The following CACNB4 variants were observed in gnomAD, a reference collection of about 807,000 sequenced individuals.
CACNB4 encodes voltage-dependent L-type calcium channel subunit beta-4.
CACNB4 carries 32 observed loss-of-function variants against 71.2 expected under a neutral mutation model. The observed-to-expected ratio is 0.45, with a 90% CI of 0.34 to 0.60. The LOEUF (loss-of-function observed/expected upper bound fraction) is 0.60, where lower values mean the gene tolerates loss of function less well. Ranked by LOEUF, CACNB4 falls within the 20% of genes least tolerant of loss-of-function variation. CACNB4 has a pLI of 0.01. For missense variants in CACNB4, 464 were observed against 647.9 expected, an observed-to-expected ratio of 0.72 and a Z score of 3.08; for synonymous variants, 231 against 236.9, an observed-to-expected ratio of 0.97 and a Z score of 0.23.
At chr2:152,015,154 A>T (rs540215990) in intron 2 of CACNB4, among the ~76,000 whole-genome samples, 25 of 151,632 alleles carry the variant, frequency 1.6e-4, no homozygotes, top group Admixed American at 3.9e-4. Context: ...TTTTTTTGAG[A>T]TGGAGTCTCG....
chr2:152,063,357 C>T (rs1686122673), intron 2 of CACNB4, among the ~76,000 whole-genome samples: 1 of 152,216 alleles, frequency 6.6e-6, no homozygotes, highest in Admixed American at 6.5e-5. Flanking sequence ...TATTTTACAT[C>T]TATTCATTTA....
At chr2:151,970,843 T>G (rs1478627376) in intron 2 of CACNB4, 1 of 152,320 alleles carries the variant, frequency 6.6e-6, no homozygotes, top group African/African-American at 2.4e-5. Context: ...TGTGGGGCAC[T>G]GAATGATCTT....
intron 2 of CACNB4, among the ~76,000 whole-genome samples, chr2:151,945,497 T>G (rs1043555499): frequency 6.6e-6 from 1 of 151,724 alleles, no homozygotes; most frequent in African/African-American, 2.4e-5. Context: ...ACAAAAATTA[T>G]AAAGATTAGC....
chr2:151,951,296 A>G (rs1484856361), intron 2 of CACNB4, among the ~76,000 whole-genome samples: 2 of 152,088 alleles, frequency 1.3e-5, no homozygotes, highest in African/African-American at 4.8e-5. Context: ...AAATTAAAAA[A>G]AAAAACAACT....
chr2:151,967,080 T>C (rs1579017505), intron 2 of CACNB4: 1 of 143,780 alleles, frequency 7.0e-6, no homozygotes, highest in Admixed American at 7.2e-5. Flanking sequence ...CAGGGTCTCA[T>C]TCTGTCACCA....
intron 2 of CACNB4, among the ~76,000 whole-genome samples, chr2:152,029,493 CAA>C (rs4036226): frequency 0.15 from 16,378 of 108,620 alleles, 1,352 homozygotes; most frequent in East Asian, 0.28. Context: ...GACTCGATCT[CAA>C]AAAAAAAAAA....
intron 2 of CACNB4, among the ~76,000 whole-genome samples, chr2:152,066,105 C>T (rs962666225): frequency 6.6e-6 from 1 of 152,224 alleles, no homozygotes; most frequent in Non-Finnish European, 1.5e-5. Flanking sequence ...CTCAGCCCCA[C>T]ATCTTACTCC....
chr2:152,035,614 T>TCCCTCC, intron 2 of CACNB4, among the ~76,000 whole-genome samples: 1 of 106,902 alleles, frequency 9.4e-6, no homozygotes, highest in Non-Finnish European at 2.0e-5. Flanking sequence ...TCTCTCTCTC[T>TCCCTCC]CTCTCCCTCC....
chr2:151,837,829 A>G lies in CACNB4; in HGVS notation c.*1290T>C, dbSNP rs1030304674. On this transcript the variant is annotated 3_prime_UTR_variant, in exon 14 of 14. Coordinates refer to ENST00000539935, the MANE Select transcript of CACNB4 (RefSeq NM_000726.5). ...CTCCAAATTCTTTATAATTTTCTGC[A>G]TTAAAAATGCTATAATTTTAGTCAA... 2.0e-5 allele frequency: 3 copies of G among 152,186 alleles called. No homozygotes were observed. Among genetic ancestry groups the G allele is most frequent in the Admixed American group, 6.5e-5 (1 of 15,276 alleles). 9.4% of individuals were successfully genotyped at this position (152,186 alleles called of 1,614,324 possible).
chr2:151,936,753 G>T (rs983056424), intron 2 of CACNB4, among the ~76,000 whole-genome samples: 1 of 152,158 alleles, frequency 6.6e-6, no homozygotes, highest in African/African-American at 2.4e-5. Context: ...CCTAGGGCCC[G>T]GACCACCTCT....
rs142676144 is a variant in CACNB4 at position 151,836,127 on chromosome 2, C to T, written c.*2992G>A. ...GTGACATTATACCCTTGAGAATTAA[C>T]ATCAGGATTGACAAATTGCATTCGT... is the stretch of plus-strand genomic sequence containing the variant. On this transcript the variant is annotated 3_prime_UTR_variant, in exon 14 of 14. Coordinates refer to ENST00000539935, the MANE Select transcript of CACNB4 (RefSeq NM_000726.5). The T allele has an allele frequency of 2.6e-5, 4 of 151,918 alleles. No homozygotes were observed. Among genetic ancestry groups the T allele is most frequent in the African/African-American group, 9.6e-5 (4 of 41,548 alleles). The allele number at this position is 151,918 out of a possible 1,614,324, so 9.4% of individuals were successfully genotyped here. A position where few individuals can be genotyped will look rare whatever the true frequency, so the allele number is the denominator to read the frequency against.
intron 2 of CACNB4, among the ~76,000 whole-genome samples, chr2:151,921,825 CTT>C (rs1225073379): frequency 6.6e-6 from 1 of 152,094 alleles, no homozygotes; most frequent in African/African-American, 2.4e-5. Context: ...GCACTTCGCC[CTT>C]TTCTCTCTCT....
chr2:152,022,891 G>A (rs527711586), intron 2 of CACNB4, among the ~76,000 whole-genome samples: 1 of 152,288 alleles, frequency 6.6e-6, no homozygotes, highest in Non-Finnish European at 1.5e-5. Flanking sequence ...GGGTTGTTTT[G>A]AGGTTGTTTG....
At chr2:151,859,173 T>C (rs1169725203) in intron 10 of CACNB4, 1 of 152,262 alleles carries the variant, frequency 6.6e-6, no homozygotes, top group Admixed American at 6.5e-5. Context: ...TTTATGACTT[T>C]ACAGAGTAAA....
chr2:151,865,616 T>C (rs1477264832), intron 9 of CACNB4, among the ~76,000 whole-genome samples: 1 of 152,148 alleles, frequency 6.6e-6, no homozygotes, highest in Admixed American at 6.6e-5. Context: ...AAATGGGTAA[T>C]CCCCAATTAA....
chr2:152,016,598 T>C (rs953168429), intron 2 of CACNB4, among the ~76,000 whole-genome samples: 1 of 152,222 alleles, frequency 6.6e-6, no homozygotes, highest in African/African-American at 2.4e-5. Context: ...CATTTTGCTT[T>C]CCAAGAGATA....
At chr2:151,989,747 TC>T (rs1441791033) in intron 2 of CACNB4, among the ~76,000 whole-genome samples, 2 of 152,186 alleles carry the variant, frequency 1.3e-5, no homozygotes, top group African/African-American at 4.8e-5. Flanking sequence ...TCCTCAGATG[TC>T]CCATGGTCCA....
intron 2 of CACNB4, among the ~76,000 whole-genome samples, chr2:152,094,114 A>G (rs938633896): frequency 2.0e-5 from 3 of 152,250 alleles, no homozygotes; most frequent in Non-Finnish European, 4.4e-5. Context: ...ATCTAAGTAC[A>G]TGTTAAATAA....
chr2:151,880,674 C>A, intron 4 of CACNB4, 126 bp downstream of exon 4: 2 of 949,260 alleles, frequency 2.1e-6, no homozygotes, highest in Non-Finnish European at 3.2e-6. Flanking sequence ...TTGGGAGGCT[C>A]AGCAAATTAA....
Sources: gnomAD v4.1 joint callset for allele counts (sites outside exome capture counted in the v4.1 genomes callset) on GRCh38, gnomAD v4.1.1 for gene constraint, MANE v1.5 for transcripts, NCBI Gene and HGNC (gene_info 2026-07-23, HGNC 2026-07-21) for gene names.